The following MEIS2 variants were observed in gnomAD, a reference collection of about 807,000 sequenced individuals.
MEIS2 encodes homeobox protein Meis2.
In MEIS2, 9 loss-of-function variants were observed where a neutral mutation model predicts 58.6. The observed-to-expected ratio is 0.15, with a 90% CI of 0.09 to 0.27. MEIS2 has a LOEUF of 0.27. Among genes scored for constraint, MEIS2 ranks in the 10% least tolerant of loss-of-function variants. The probability of loss-of-function intolerance (pLI) is 1.00; values close to 1 mark genes in which losing one functional copy is unlikely to be tolerated. For synonymous variants in MEIS2, 221 were observed against 228.4 expected, an observed-to-expected ratio of 0.97 and a Z score of 0.29; for missense variants, 427 against 635.0, an observed-to-expected ratio of 0.67 and a Z score of 3.52.
intron 8 of MEIS2, among the ~76,000 whole-genome samples, chr15:37,007,728 C>T (rs1420543941): frequency 6.6e-6 from 1 of 152,210 alleles, no homozygotes; most frequent in Admixed American, 6.5e-5. Flanking sequence ...ATTCTCTGTT[C>T]CTCATTCTGA....
chr15:37,094,297 G>A (rs1294866138), intron 5 of MEIS2, among the ~76,000 whole-genome samples: 1 of 152,154 alleles, frequency 6.6e-6, no homozygotes, highest in East Asian at 1.9e-4. Context: ...AATCCTGAAT[G>A]CCTGAGGGGA....
chr15:36,980,451 C>A (rs1023675882), intron 8 of MEIS2, among the ~76,000 whole-genome samples: 2 of 152,106 alleles, frequency 1.3e-5, no homozygotes, highest in South Asian at 4.1e-4. Context: ...GAGCAAGTCA[C>A]CTCTTACATG....
At chr15:37,089,007 C>T (rs1436187312) in intron 6 of MEIS2, among the ~76,000 whole-genome samples, 4 of 152,142 alleles carry the variant, frequency 2.6e-5, no homozygotes, top group African/African-American at 7.2e-5. Flanking sequence ...CATACTCCAA[C>T]TGCACAGTCT....
Position 36,889,787 on chromosome 15 carries a change from G to A in MEIS2, c.*2386C>T, listed in dbSNP as rs2055788720. ...CATAGTTTACATAAAAGTATTTAAA[G>A]TAAAAATAGGCAAATATTTAAAATT... is the stretch of plus-strand genomic sequence containing the variant. On this transcript the variant is annotated 3_prime_UTR_variant, in exon 12 of 12. Transcript: ENST00000561208. 1 of 152,112 alleles carries A rather than the reference G, an allele frequency of 6.6e-6. No individual in the cohort carries two copies. Among genetic ancestry groups the A allele is most frequent in the African/African-American group, 2.4e-5 (1 of 41,424 alleles). The allele number at this position is 152,112 out of a possible 1,614,324, so 9.4% of individuals were successfully genotyped here.
chr15:37,049,879 T>C (rs886439035), intron 7 of MEIS2, among the ~76,000 whole-genome samples: 3 of 151,916 alleles, frequency 2.0e-5, no homozygotes, highest in African/African-American at 7.3e-5. Flanking sequence ...CTTGAAGGTA[T>C]CCATAATTTT....
At position 37,095,625 on chromosome 15, in the gene MEIS2, C is replaced by G. The variant is rs1454966322; in HGVS notation, c.388-11G>C. 2 of 1,614,150 alleles carry G rather than the reference C, an allele frequency of 1.2e-6. No homozygotes were observed. The highest frequency in any genetic ancestry group is 1.7e-6 in the Non-Finnish European group (2 of 1,180,016). On this transcript the variant is annotated splice_polypyrimidine_tract_variant and intron_variant, in intron 3 of 11. Coordinates refer to ENST00000561208, the MANE Select transcript of MEIS2 (RefSeq NM_170675.5). ...CTTTTCGGCGCGAACCTGTAAGAAACAGAGAGTCAACTTGAACGATCACCC... is the reference window on the plus strand; with the variant it reads ...CTTTTCGGCGCGAACCTGTAAGAAAGAGAGAGTCAACTTGAACGATCACCC...
At chr15:37,007,471 G>A (rs764032249) in intron 8 of MEIS2, among the ~76,000 whole-genome samples, 1 of 152,194 alleles carries the variant, frequency 6.6e-6, no homozygotes, top group Non-Finnish European at 1.5e-5. Flanking sequence ...CAACTATGCA[G>A]AAACCCTCCC....
At chr15:37,082,670 C>T (rs913236900) in intron 7 of MEIS2, among the ~76,000 whole-genome samples, 78 of 152,236 alleles carry the variant, frequency 5.1e-4, no homozygotes, top group African/African-American at 1.8e-3. Context: ...TATGATTCAT[C>T]GCTGTGTTAG....
chr15:37,057,585 C>T (rs1485202332), intron 7 of MEIS2, among the ~76,000 whole-genome samples: 2 of 152,074 alleles, frequency 1.3e-5, no homozygotes, highest in African/African-American at 4.8e-5. Flanking sequence ...CTCAACGGGG[C>T]CTCCTGGGAC....
chr15:36,956,188 C>CAA (rs372946912), intron 8 of MEIS2, among the ~76,000 whole-genome samples: 182 of 56,088 alleles, frequency 3.2e-3, no homozygotes, highest in Middle Eastern at 0.022. Flanking sequence ...AACTCCATCT[C>CAA]AAAAAAAAAA....
At chr15:37,037,501 GA>G (rs1490894087) in intron 7 of MEIS2, among the ~76,000 whole-genome samples, 1 of 151,324 alleles carries the variant, frequency 6.6e-6, no homozygotes, top group Admixed American at 6.6e-5. Context: ...TGCATGACAT[GA>G]AAACTTTTAG....
intron 8 of MEIS2, among the ~76,000 whole-genome samples, chr15:36,994,666 A>C (rs2060412388): frequency 6.6e-6 from 1 of 152,236 alleles, no homozygotes; most frequent in Admixed American, 6.5e-5. Flanking sequence ...AAAAGATGTG[A>C]AAGGTTTATA....
chr15:36,932,801 G>T (rs2141336293), intron 9 of MEIS2, among the ~76,000 whole-genome samples: 1 of 152,282 alleles, frequency 6.6e-6, no homozygotes. Context: ...ACAGCCTATT[G>T]TTAAATGAGG....
At chr15:36,964,765 A>G (rs1404787748) in intron 8 of MEIS2, among the ~76,000 whole-genome samples, 6 of 152,076 alleles carry the variant, frequency 3.9e-5, no homozygotes, top group Non-Finnish European at 8.8e-5. Context: ...TACATTTTGG[A>G]AACACTCAAC....
At chr15:36,961,752 T>G (rs1377304027) in intron 8 of MEIS2, among the ~76,000 whole-genome samples, 1 of 152,090 alleles carries the variant, frequency 6.6e-6, no homozygotes, top group Non-Finnish European at 1.5e-5. Context: ...ATTCATCAAC[T>G]GGACAAAAGA....
intron 8 of MEIS2, among the ~76,000 whole-genome samples, chr15:36,960,875 T>A (rs1194771): frequency 0.57 from 86,628 of 152,010 alleles, 25,457 homozygotes; most frequent in African/African-American, 0.71. Flanking sequence ...ACCTTAGTTT[T>A]GTTCTGCATT....
chr15:37,095,965 G>A (rs1247876699), intron 3 of MEIS2: 17 of 449,836 alleles, frequency 3.8e-5, no homozygotes, highest in Non-Finnish European at 6.0e-5. Context: ...GGGCACTCCC[G>A]GGTCCCTCAC....
At chr15:37,036,670 A>T in intron 8 of MEIS2, 144 bp downstream of exon 8, 1 of 914,988 alleles carries the variant, frequency 1.1e-6, no homozygotes, top group Non-Finnish European at 1.6e-6. Context: ...GATGAAAAAA[A>T]AAACTTTAAC....
intron 8 of MEIS2, among the ~76,000 whole-genome samples, chr15:37,029,567 G>A (rs547260967): frequency 3.9e-5 from 6 of 152,236 alleles, no homozygotes; most frequent in East Asian, 3.9e-4. Flanking sequence ...GAAATTGGGG[G>A]TGCAGGATGA....
Sources: gnomAD v4.1 joint callset for allele counts (sites outside exome capture counted in the v4.1 genomes callset) on GRCh38, gnomAD v4.1.1 for gene constraint, MANE v1.5 for transcripts, NCBI Gene and HGNC (gene_info 2026-07-23, HGNC 2026-07-21) for gene names.